ZNRF2: variants seen among roughly 807,000 people sequenced by gnomAD.
ZNRF2 encodes the protein E3 ubiquitin-protein ligase ZNRF2.
Under a neutral mutation model 20.4 loss-of-function variants are expected in ZNRF2, and 16 were observed. That is an observed-to-expected ratio of 0.79 (90% CI 0.53 to 1.19). ZNRF2 has a LOEUF of 1.19. ZNRF2 is among the 50% of genes most tolerant of loss of function. The pLI, the probability that ZNRF2 is intolerant of heterozygous loss-of-function variation, is 0.00. For missense variants in ZNRF2, 363 were observed against 332.4 expected, an observed-to-expected ratio of 1.09 and a Z score of -0.72; for synonymous variants, 178 against 144.9, an observed-to-expected ratio of 1.23 and a Z score of -1.64.
rs771719570 is a variant in ZNRF2 at position 30,366,127 on chromosome 7, T to A, written c.*115T>A. The stretch of plus-strand genomic sequence containing the variant: ...AGACGCAGGCATACTCAGCCAGAAA[T>A]CTGAGTTTTGTGAGACTTGGTAATA... On this transcript the variant is annotated 3_prime_UTR_variant, in exon 5 of 5. Transcript: ENST00000323037. The A allele has an allele frequency of 1.3e-5, 2 of 152,558 alleles. No homozygotes were observed. Among genetic ancestry groups the A allele is most frequent in the African/African-American group, 4.8e-5 (2 of 41,404 alleles). 9.5% of individuals were successfully genotyped at this position (152,558 alleles called of 1,614,324 possible).
At chr7:30,354,831 G>A (rs776585317) in intron 2 of ZNRF2, among the ~76,000 whole-genome samples, 5 of 152,190 alleles carry the variant, frequency 3.3e-5, no homozygotes, top group African/African-American at 1.2e-4. Flanking sequence ...TTCAGTAATG[G>A]CATGTTTTAT....
chr7:30,304,836 G>C (rs1799174707), intron 1 of ZNRF2, among the ~76,000 whole-genome samples: 1 of 152,162 alleles, frequency 6.6e-6, no homozygotes, highest in African/African-American at 2.4e-5. Context: ...GGACTAGGGT[G>C]AGTTAAAAAG....
chr7:30,316,037 C>G (rs991706962), intron 1 of ZNRF2, among the ~76,000 whole-genome samples: 1 of 151,864 alleles, frequency 6.6e-6, no homozygotes. Flanking sequence ...ACCTGTAATC[C>G]CAGCACTTTG....
Position 30,355,814 on chromosome 7 carries a change from C to G in ZNRF2, c.652C>G (p.Leu218Val). The G allele has an allele frequency of 6.2e-7, 1 of 1,612,728 alleles. No homozygotes were observed. Among genetic ancestry groups the G allele is most frequent in the Non-Finnish European group, 8.5e-7 (1 of 1,179,140 alleles). Reference sequence around the variant, plus strand: ...AGATACTATAGCACGACTGCCTTGTCTATGCATATATCATAAAGGGTAAGT... The same window carrying G: ...AGATACTATAGCACGACTGCCTTGTGTATGCATATATCATAAAGGGTAAGT... The part of the protein sequence containing the change: ...QGDTIARLPC[L>V]CIYHKGCIDE... The change falls in exon 3 of 5, where the codon CTA (leucine) becomes GTA (valine). Residue 218 changes from leucine to valine, a missense_variant. Transcript: ENST00000323037.
chr7:30,323,480 A>G (rs1799506636), intron 1 of ZNRF2, among the ~76,000 whole-genome samples, 162 bp from the exon 2 acceptor site: 1 of 152,230 alleles, frequency 6.6e-6, no homozygotes, highest in Admixed American at 6.5e-5. Context: ...AAAGTCAGAT[A>G]TTATAATCAC....
intron 2 of ZNRF2, 100 bp from the exon 3 acceptor site, chr7:30,355,628 A>C (rs981827569): frequency 3.5e-6 from 3 of 854,734 alleles, no homozygotes; most frequent in Non-Finnish European, 5.5e-6. Context: ...TATGCCAAGT[A>C]AGGTGGAATC....
chr7:30,352,210 A>G (rs1769764652), intron 2 of ZNRF2, among the ~76,000 whole-genome samples: 1 of 152,046 alleles, frequency 6.6e-6, no homozygotes, highest in Admixed American at 6.6e-5. Context: ...ATGGAAATTC[A>G]TATTAAGTTT....
Position 30,366,186 on chromosome 7 carries a change from C to G in ZNRF2, c.*174C>G, listed in dbSNP as rs559607620. 7.9e-5 allele frequency: 12 copies of G among 152,540 alleles called. No individual in the cohort carries two copies. The highest frequency in any genetic ancestry group is 2.4e-4 in the African/African-American group (10 of 41,496). 9.4% of individuals were successfully genotyped at this position (152,540 alleles called of 1,614,324 possible). A position where few individuals can be genotyped will look rare whatever the true frequency, so the allele number is the denominator to read the frequency against. On this transcript the variant is annotated 3_prime_UTR_variant, in exon 5 of 5. Transcript: ENST00000323037. Reference sequence around the variant, plus strand: ...GACAATCGTACTGGGGTAAAAAAACCCTGCTGAAGAGAGGACAGTGACCAC... The same window carrying G: ...GACAATCGTACTGGGGTAAAAAAACGCTGCTGAAGAGAGGACAGTGACCAC...
Position 30,364,031 on chromosome 7 carries a change from G to C in ZNRF2, c.*22+1575G>C, listed in dbSNP as rs560855107. Among the ~76,000 whole-genome samples the C allele has an allele frequency of 7.9e-5, 12 of 152,334 alleles. No homozygotes were observed. In the East Asian group the frequency reaches 1.9e-3, roughly 24 times the overall value. On this transcript the variant is annotated intron_variant, in intron 4 of 4. Coordinates refer to ENST00000323037, the MANE Select transcript of ZNRF2 (RefSeq NM_147128.4). Reference sequence around the variant, plus strand: ...AGACTGATGGCAAGGAACTAGACCAGATGACGTCCAGAGGTCTAGTCCTGT... The same window carrying C: ...AGACTGATGGCAAGGAACTAGACCACATGACGTCCAGAGGTCTAGTCCTGT...
In ZNRF2 at chr7:30,355,834, G is replaced by A. The variant is rs1271039244; in HGVS notation, c.671+1G>A. The A allele has an allele frequency of 6.2e-7, 1 of 1,606,394 alleles. No individual in the cohort carries two copies. Among genetic ancestry groups the A allele is most frequent in the Admixed American group, 1.7e-5 (1 of 59,800 alleles). ...CTTGTCTATGCATATATCATAAAGG[G>A]TAAGTTCACCAAGTTGGTATTAGAG... On this transcript the variant is annotated splice_donor_variant, in intron 3 of 4. Transcript: ENST00000323037. LOFTEE classifies it high-confidence loss of function.
intron 2 of ZNRF2, among the ~76,000 whole-genome samples, chr7:30,325,666 T>C (rs929919188): frequency 1.3e-5 from 2 of 152,218 alleles, no homozygotes; most frequent in East Asian, 3.8e-4. Flanking sequence ...TTTTCTAGTA[T>C]GGTGGTGCTT....
At chr7:30,310,235 A>G (rs1195768445) in intron 1 of ZNRF2, among the ~76,000 whole-genome samples, 1 of 152,240 alleles carries the variant, frequency 6.6e-6, no homozygotes, top group African/African-American at 2.4e-5. Flanking sequence ...GAACATCTTC[A>G]TTATTCCTTA....
At chr7:30,338,416 T>G in intron 2 of ZNRF2, among the ~76,000 whole-genome samples, 1 of 119,150 alleles carries the variant, frequency 8.4e-6, no homozygotes, top group East Asian at 2.5e-4. Flanking sequence ...ATGCTGTCCC[T>G]CCCCTAGCCC....
At chr7:30,320,862 CT>C (rs1799459176) in intron 1 of ZNRF2, among the ~76,000 whole-genome samples, 2 of 151,330 alleles carry the variant, frequency 1.3e-5, no homozygotes, top group South Asian at 4.2e-4. Flanking sequence ...CATTTTTTTT[CT>C]TTTGTTGCAT....
intron 1 of ZNRF2, among the ~76,000 whole-genome samples, chr7:30,302,941 G>T (rs1412635686): frequency 4.6e-5 from 7 of 152,184 alleles, no homozygotes; most frequent in African/African-American, 1.7e-4. Context: ...CTGGAAGGAA[G>T]ACTTCAGTAA....
Position 30,326,155 on chromosome 7 carries a change from G to C in ZNRF2, c.565+2418G>C, listed in dbSNP as rs188646597. Among the ~76,000 whole-genome samples, 6 of 152,116 alleles carry C rather than the reference G, an allele frequency of 3.9e-5. No individual in the cohort carries two copies. The East Asian group carries it at 7.7e-4, about 20-fold the overall frequency. On this transcript the variant is annotated intron_variant, in intron 2 of 4. Transcript: ENST00000323037. ...ATTTAACAATTTTTTTAACTTTTAAGTTGAGGGGTACATGTGCAGGTTTGT... is the reference window on the plus strand; with the variant it reads ...ATTTAACAATTTTTTTAACTTTTAACTTGAGGGGTACATGTGCAGGTTTGT...
chr7:30,329,651 G>A (rs541497839), intron 2 of ZNRF2, among the ~76,000 whole-genome samples: 1 of 152,226 alleles, frequency 6.6e-6, no homozygotes, highest in Non-Finnish European at 1.5e-5. Context: ...CATTTGCATG[G>A]CTGAATAATA....
At chr7:30,318,905 A>C (rs1377248698) in intron 1 of ZNRF2, among the ~76,000 whole-genome samples, 2 of 152,188 alleles carry the variant, frequency 1.3e-5, no homozygotes, top group East Asian at 3.9e-4. Context: ...TGAGGTCAGG[A>C]GTTCAAGACG....
chr7:30,303,368 A>AT (rs1466743717), intron 1 of ZNRF2, among the ~76,000 whole-genome samples: 5 of 152,098 alleles, frequency 3.3e-5, no homozygotes, highest in Non-Finnish European at 5.9e-5. Context: ...AAAATCATTA[A>AT]TTTTTTAGAT....
Sources: gnomAD v4.1 joint callset for allele counts (sites outside exome capture counted in the v4.1 genomes callset) on GRCh38, gnomAD v4.1.1 for gene constraint, MANE v1.5 for transcripts, NCBI Gene and HGNC (gene_info 2026-07-23, HGNC 2026-07-21) for gene names.